The following ACADM variants were observed in gnomAD, a reference collection of about 807,000 sequenced individuals.
ACADM encodes medium-chain specific acyl-CoA dehydrogenase, mitochondrial.
ACADM carries 49 observed loss-of-function variants against 58.9 expected under a neutral mutation model. That is an observed-to-expected ratio of 0.83 (90% confidence interval 0.66 to 1.06). The LOEUF is 1.06. Ranked by LOEUF, ACADM falls within the 50% of genes least tolerant of loss-of-function variation. The pLI is 0.00. For missense variants in ACADM, 496 were observed against 507.0 expected (o/e 0.98, Z 0.21); for synonymous variants, 160 against 157.7 (o/e 1.01, Z -0.11).
chr1:75,731,336 A>G (rs1647147220), intron 2 of ACADM, among the ~76,000 whole-genome samples: 1 of 149,198 alleles, frequency 6.7e-6, no homozygotes, highest in South Asian at 2.1e-4. Flanking sequence ...TCAATTCAGC[A>G]CCAGAATTCA....
intron 7 of ACADM, chr1:75,743,844 A>G (rs1647728227): frequency 7.1e-7 from 1 of 1,407,632 alleles, no homozygotes; most frequent in East Asian, 2.3e-5. Context: ...TATAATCCCT[A>G]TATACCACCT....
intron 10 of ACADM, among the ~76,000 whole-genome samples, chr1:75,760,460 T>C (rs1315134464): frequency 7.3e-6 from 1 of 137,134 alleles, no homozygotes; most frequent in Non-Finnish European, 1.5e-5. Flanking sequence ...CTTTGGGGGC[T>C]GAGGCGGGAG....
chr1:75,750,233 C>T (rs1433418296), intron 9 of ACADM, among the ~76,000 whole-genome samples: 1 of 152,050 alleles, frequency 6.6e-6, no homozygotes, highest in Non-Finnish European at 1.5e-5. Flanking sequence ...AAAGCAATGA[C>T]TTTTTTCTAG....
At chr1:75,753,865 C>T (rs1648345519) in intron 10 of ACADM, among the ~76,000 whole-genome samples, 1 of 133,988 alleles carries the variant, frequency 7.5e-6, no homozygotes, top group Non-Finnish European at 1.5e-5. Flanking sequence ...GGTGTGATCT[C>T]AGCTCACTGC....
In ACADM at chr1:75,761,202, G is replaced by A; in HGVS notation, c.1026G>A (p.Trp342Ter). ...GAATGAGTTACCAGAGAGCAGCTTG[G>A]GAGGTTGATTCTGGTCGTCGAAATA... ...LARMSYQRAA[W>*]EVDSGRRNTY... The change falls in exon 11 of 12, where the codon TGG becomes TGA. Residue 342 changes from tryptophan to a stop codon, truncating the protein, a stop_gained. Coordinates refer to ENST00000370841, the MANE Select transcript of ACADM (RefSeq NM_000016.6). LOFTEE classifies it high-confidence loss of function. The A allele has an allele frequency of 6.2e-7, 1 of 1,614,168 alleles. No homozygotes were observed. Among genetic ancestry groups the A allele is most frequent in the Non-Finnish European group, 8.5e-7 (1 of 1,180,010 alleles).
chr1:75,731,233 T>G (rs1036516477), intron 2 of ACADM, among the ~76,000 whole-genome samples: 12 of 139,186 alleles, frequency 8.6e-5, no homozygotes, highest in Admixed American at 8.1e-4. Context: ...GAGCCTAGAT[T>G]GCGCCACTGC....
chr1:75,737,628 C>A (rs965365269), intron 6 of ACADM, among the ~76,000 whole-genome samples: 5 of 151,960 alleles, frequency 3.3e-5, no homozygotes, highest in Admixed American at 2.6e-4. Flanking sequence ...TTGAGTGACA[C>A]CTGAATCCCC....
At chr1:75,748,096 C>T (rs1011164309) in intron 8 of ACADM, among the ~76,000 whole-genome samples, 7 of 152,298 alleles carry the variant, frequency 4.6e-5, no homozygotes, top group Non-Finnish European at 7.4e-5. Context: ...GCTTATTAAA[C>T]ATGAGATCAA....
intron 10 of ACADM, among the ~76,000 whole-genome samples, chr1:75,760,217 T>TCA (rs1648750251): frequency 7.0e-6 from 1 of 143,280 alleles, no homozygotes; most frequent in East Asian, 2.1e-4. Flanking sequence ...GATCAGGAGT[T>TCA]TGAGCAGCCT....
rs898653016 is a variant in ACADM, at chr1:75,724,733, A to G, written c.-55A>G. The stretch of plus-strand genomic sequence containing the variant: ...CAGAGGAGTCCCGCGTTCGGGGAGT[A>G]TGTCAAGGCCGTGACCCGTGTATTA... On this transcript the variant is annotated 5_prime_UTR_variant, in exon 1 of 12. It removes an upstream start codon present in the reference 5' UTR. Transcript: ENST00000370841. 5 of 1,540,400 alleles carry G rather than the reference A, an allele frequency of 3.2e-6. No homozygotes were observed. Among genetic ancestry groups the G allele is most frequent in the African/African-American group, 2.9e-5 (2 of 70,074 alleles).
chr1:75,734,183 A>ATTTTTTTTTTTTTTTTTTT (rs1647198640), intron 5 of ACADM, among the ~76,000 whole-genome samples: 1 of 68,816 alleles, frequency 1.5e-5, no homozygotes, highest in African/African-American at 6.5e-5. Context: ...TTTTTTTTTG[A>ATTTTTTTTTTTTTTTTTTT]GACGGAGTCT....
chr1:75,743,378 A>G, intron 7 of ACADM: 1 of 1,591,100 alleles, frequency 6.3e-7, no homozygotes, highest in Non-Finnish European at 8.6e-7. Context: ...ACTGGTTTTC[A>G]GTTCCTGCAT....
At chr1:75,761,628 T>G (rs1386290125) in intron 11 of ACADM, 1 of 459,846 alleles carries the variant, frequency 2.2e-6, no homozygotes, top group African/African-American at 2.0e-5. Flanking sequence ...TCTTTGAGTT[T>G]TAACAGATTG....
At chr1:75,739,922 C>A in intron 6 of ACADM, 58 bp from the exon 7 acceptor site, 2 of 1,287,442 alleles carry the variant, frequency 1.6e-6, no homozygotes, top group Non-Finnish European at 2.1e-6. Context: ...TGTTTCCAAA[C>A]AGTCAAAATT....
chr1:75,745,809 T>G lies in ACADM; in HGVS notation c.603T>G (p.Tyr201Ter), dbSNP rs992092720. ...ATCCGGTATGTGTATCTCTTAGGTA[T>G]TTTTTATTGGCACGTTCTGATCCAG... ...WITNGGKANW[Y>*]FLLARSDPDP... Residue 201 changes from tyrosine to a stop codon, truncating the protein, a stop_gained, in exon 8 of 12, where the codon TAT becomes TAG. Coordinates refer to ENST00000370841, the MANE Select transcript of ACADM (RefSeq NM_000016.6). LOFTEE classifies it high-confidence loss of function. 1 of 1,610,860 alleles carries G rather than the reference T, an allele frequency of 6.2e-7. No individual in the cohort carries two copies.
Position 75,762,945 on chromosome 1 carries a change from G to T in ACADM, c.*182G>T. On this transcript the variant is annotated 3_prime_UTR_variant, in exon 12 of 12. Transcript: ENST00000370841. ...TCTGTTATGTCTCTTAAGCAGGTTT[G>T]GTTTTTATTAAAATGATGTGTTTTC... is the stretch of plus-strand genomic sequence containing the variant. 2.1e-6 allele frequency: 1 copy of T among 475,494 alleles called. No homozygotes were observed. Among genetic ancestry groups the T allele is most frequent in the South Asian group, 3.1e-5 (1 of 32,338 alleles). 29.5% of individuals were successfully genotyped at this position (475,494 alleles called of 1,614,324 possible).
chr1:75,755,709 C>T (rs867536992), intron 10 of ACADM, among the ~76,000 whole-genome samples: 2 of 152,214 alleles, frequency 1.3e-5, no homozygotes, highest in Non-Finnish European at 2.9e-5. Context: ...TGCCTCTTCT[C>T]CTCCAAAGGA....
At chr1:75,757,678 C>G (rs1648587677) in intron 10 of ACADM, among the ~76,000 whole-genome samples, 1 of 152,134 alleles carries the variant, frequency 6.6e-6, no homozygotes, top group African/African-American at 2.4e-5. Flanking sequence ...ACTAGAAATG[C>G]CATTTGACCC....
chr1:75,724,874 G>A (rs1647022951), intron 1 of ACADM, 57 bp downstream of exon 1: 3 of 1,377,382 alleles, frequency 2.2e-6, no homozygotes, highest in South Asian at 3.9e-5. Context: ...TGGTGTCGGA[G>A]CAGGGGGCCC....
Sources: gnomAD v4.1 joint callset for allele counts (sites outside exome capture counted in the v4.1 genomes callset) on GRCh38, gnomAD v4.1.1 for gene constraint, MANE v1.5 for transcripts, NCBI Gene and HGNC (gene_info 2026-07-23, HGNC 2026-07-21) for gene names.